FIG4: variants seen among roughly 807,000 people sequenced by gnomAD.
FIG4 encodes the protein FIG4 phosphoinositide 5-phosphatase.
A neutral mutation model predicts 118.6 loss-of-function variants in FIG4; 112 were observed. That is an observed-to-expected ratio of 0.94 (90% CI 0.81 to 1.11). The LOEUF (loss-of-function observed/expected upper bound fraction) is 1.11, where lower values mean the gene tolerates loss of function less well. Ranked by LOEUF, FIG4 falls within the 50% of genes least tolerant of loss-of-function variation. The probability of loss-of-function intolerance (pLI) is 0.00; values close to 1 mark genes in which losing one functional copy is unlikely to be tolerated. For synonymous variants in FIG4, 369 were observed against 381.2 expected, an observed-to-expected ratio of 0.97 and a Z score of 0.37; for missense variants, 969 against 1,111.7, an observed-to-expected ratio of 0.87 and a Z score of 1.83.
intron 19 of FIG4, 47 bp downstream of exon 19, chr6:109,789,724 A>G (rs1403653789): frequency 1.5e-6 from 2 of 1,303,966 alleles, no homozygotes; most frequent in Admixed American, 3.4e-5. Flanking sequence ...GTGTAAAAGA[A>G]TAGTACTTGC....
intron 15 of FIG4, among the ~76,000 whole-genome samples, chr6:109,776,066 A>G (rs1777609084): frequency 6.6e-6 from 1 of 152,218 alleles, no homozygotes; most frequent in Non-Finnish European, 1.5e-5. Flanking sequence ...TTCAATATAC[A>G]GGGCTCTGAG....
intron 19 of FIG4, among the ~76,000 whole-genome samples, chr6:109,789,888 G>C (rs1026700572): frequency 6.6e-6 from 1 of 152,104 alleles, no homozygotes; most frequent in Non-Finnish European, 1.5e-5. Flanking sequence ...TATAACAGAT[G>C]ACATAAAGGC....
At chr6:109,785,694 A>G (rs1398967875) in intron 17 of FIG4, 3 of 470,820 alleles carry the variant, frequency 6.4e-6, no homozygotes, top group African/African-American at 4.0e-5. Context: ...ATCTCCTGCG[A>G]ATCTGGAATG....
intron 1 of FIG4, among the ~76,000 whole-genome samples, chr6:109,702,644 C>T (rs1318098557): frequency 6.9e-6 from 1 of 144,868 alleles, no homozygotes; most frequent in Non-Finnish European, 1.5e-5. Flanking sequence ...ATCCTGTGTG[C>T]TCCAGTTACT....
intron 10 of FIG4, among the ~76,000 whole-genome samples, chr6:109,755,432 T>C (rs948696554): frequency 1.3e-5 from 2 of 152,048 alleles, no homozygotes; most frequent in Non-Finnish European, 2.9e-5. Flanking sequence ...GGGTGGAGAG[T>C]TCTGTAGATG....
rs143976826 is a variant in FIG4, at chr6:109,785,863, T to C, written c.1949-439T>C. 393 of 358,776 alleles carry C rather than the reference T, an allele frequency of 1.1e-3. 3 individuals carry two copies. Among genetic ancestry groups the C allele is most frequent in the African/African-American group, 5.2e-3 (246 of 47,310 alleles). The allele number at this position is 358,776 out of a possible 1,614,324, so 22.2% of individuals were successfully genotyped here. A position where few individuals can be genotyped will look rare whatever the true frequency, so the allele number is the denominator to read the frequency against. On this transcript the variant is annotated intron_variant, in intron 17 of 22. Coordinates refer to ENST00000230124, the MANE Select transcript of FIG4 (RefSeq NM_014845.6). ...AAATTCTGGGCAAAATCATTACTCA[T>C]ATTGCTGAAAAGGTTTAGTTGTTCT...
chr6:109,749,147 T>C (rs985570871), intron 10 of FIG4, among the ~76,000 whole-genome samples: 8 of 149,340 alleles, frequency 5.4e-5, no homozygotes, highest in Admixed American at 3.4e-4. Flanking sequence ...AAACTGGCAG[T>C]TGGGGGAGAA....
In FIG4 at chr6:109,774,483, C is replaced by T. The variant is rs141406986; in HGVS notation, c.1751-2439C>T. On this transcript the variant is annotated intron_variant, in intron 15 of 22. Coordinates refer to ENST00000230124, the MANE Select transcript of FIG4 (RefSeq NM_014845.6). ...AAGTTCAGAAGCAAATTTATTAGGT[C>T]AGAGGGTAAAAATAATTTTTAGGGC... Among the ~76,000 whole-genome samples the T allele has an allele frequency of 3.4e-3, 514 of 151,980 alleles. 1 individual carries two copies. The highest frequency in any genetic ancestry group is 7.4e-3 in the Admixed American group (113 of 15,268).
intron 6 of FIG4, 78 bp from the exon 7 acceptor site, chr6:109,738,247 T>C: frequency 7.9e-7 from 1 of 1,271,954 alleles, no homozygotes; most frequent in Non-Finnish European, 1.1e-6. Context: ...TTCCATATCT[T>C]TCTGATACCA....
chr6:109,736,852 T>A lies in FIG4; in HGVS notation c.647-1473T>A, dbSNP rs933291067. On this transcript the variant is annotated intron_variant, in intron 6 of 22. Coordinates refer to ENST00000230124, the MANE Select transcript of FIG4 (RefSeq NM_014845.6). ...TAGCATATCAGCAGGATTGCATTCC[T>A]TTCCAGAGGCTCCAGGGGAGAATCA... Among the ~76,000 whole-genome samples the A allele has an allele frequency of 9.2e-5, 14 of 152,256 alleles. No individual in the cohort carries two copies. In the Middle Eastern group the frequency reaches 0.01, roughly 111 times the overall value.
At chr6:109,721,628 G>A (rs1412993419) in intron 3 of FIG4, among the ~76,000 whole-genome samples, 7 of 152,158 alleles carry the variant, frequency 4.6e-5, no homozygotes, top group African/African-American at 1.7e-4. Context: ...TCTGGGGTCA[G>A]AAGTACATAG....
intron 22 of FIG4, among the ~76,000 whole-genome samples, chr6:109,811,236 T>C (rs1018004890): frequency 1.3e-5 from 2 of 152,034 alleles, no homozygotes; most frequent in African/African-American, 2.4e-5. Flanking sequence ...GTGAAACATA[T>C]AGGGAGGAAG....
intron 5 of FIG4, 44 bp from the exon 6 acceptor site, chr6:109,735,106 G>A (rs1407900298): frequency 1.3e-5 from 21 of 1,562,426 alleles, no homozygotes; most frequent in Non-Finnish European, 1.7e-5. Context: ...CATGAAATAT[G>A]CTTTGCTTTT....
intron 10 of FIG4, among the ~76,000 whole-genome samples, chr6:109,758,977 G>A (rs1434812855): frequency 1.3e-5 from 2 of 152,206 alleles, no homozygotes; most frequent in Admixed American, 6.5e-5. Context: ...ACTTGGAGAA[G>A]TAGGAACGCT....
chr6:109,792,202 G>A (rs1047555652), intron 20 of FIG4, among the ~76,000 whole-genome samples: 1 of 152,208 alleles, frequency 6.6e-6, no homozygotes, highest in Non-Finnish European at 1.5e-5. Context: ...ATGCCTGTTT[G>A]TGTTTACTCA....
At chr6:109,695,177 A>G (rs1427343707) in intron 1 of FIG4, among the ~76,000 whole-genome samples, 1 of 152,256 alleles carries the variant, frequency 6.6e-6, no homozygotes, top group Non-Finnish European at 1.5e-5. Flanking sequence ...AGGTCAAGAC[A>G]TTTTTGTAAC....
Position 109,716,452 on chromosome 6 carries a change from A to G in FIG4, c.173A>G (p.Tyr58Cys), listed in dbSNP as rs145337669. ...AAATGTGCTTATTCTTAGCATGTCT[A>G]TACTCAACAAGAAGTAAGGGAACTT... ...DLVIIDDRHV[Y>C]TQQEVRELLG... is the part of the protein sequence containing the mutation. Residue 58 changes from tyrosine (Y) to cysteine (C), a missense_variant, in exon 3 of 23, where the codon TAT becomes TGT. Coordinates refer to ENST00000230124, the MANE Select transcript of FIG4 (RefSeq NM_014845.6). The G allele has an allele frequency of 5.0e-4, 804 of 1,613,696 alleles. 5 individuals carry two copies. In the African/African-American group the frequency reaches 9.2e-3, roughly 19 times the overall value.
At chr6:109,713,443 G>T (rs1479661436) in intron 1 of FIG4, among the ~76,000 whole-genome samples, 1 of 152,170 alleles carries the variant, frequency 6.6e-6, no homozygotes, top group East Asian at 1.9e-4. Flanking sequence ...TGGTCACTGA[G>T]GGCTGGGGAA....
At chr6:109,774,402 T>A (rs1390253731) in intron 15 of FIG4, among the ~76,000 whole-genome samples, 1 of 152,210 alleles carries the variant, frequency 6.6e-6, no homozygotes, top group Non-Finnish European at 1.5e-5. Flanking sequence ...CATTTAGAGT[T>A]GTTCTAAACA....
Sources: allele counts gnomAD v4.1 joint callset (sites outside exome capture counted in the v4.1 genomes callset), GRCh38; gene constraint gnomAD v4.1.1; transcripts MANE v1.5; gene names NCBI Gene and HGNC (gene_info 2026-07-23, HGNC 2026-07-21).